The following SPATA16 variants were observed in gnomAD, a reference collection of about 807,000 sequenced individuals.
The protein encoded by SPATA16 is spermatogenesis associated 16.
SPATA16 carries 36 observed loss-of-function variants against 63.3 expected under a neutral mutation model. The observed-to-expected ratio is 0.57, with a 90% CI of 0.44 to 0.75. SPATA16 has a LOEUF of 0.75. Among genes scored for constraint, SPATA16 ranks in the 30% least tolerant of loss-of-function variants. The pLI, the probability that SPATA16 is intolerant of heterozygous loss-of-function variation, is 0.00. For missense variants in SPATA16, 646 were observed against 679.3 expected, an observed-to-expected ratio of 0.95 and a Z score of 0.54; for synonymous variants, 203 against 216.7, an observed-to-expected ratio of 0.94 and a Z score of 0.56.
rs74662156 is a variant in SPATA16, at chr3:172,991,250, C to A, written c.849-14198G>T. 5.5e-3 allele frequency among the ~76,000 whole-genome samples: 833 copies of A among 152,180 alleles called. 5 individuals carry two copies. Among genetic ancestry groups the A allele is most frequent in the African/African-American group, 0.019 (798 of 41,526 alleles). On this transcript the variant is annotated intron_variant, in intron 4 of 10. Transcript: ENST00000351008. ...GTGTGTATGCATGTTGCACAGCCAG[C>A]CTCCATGGTTAAATATACCTGTTTA...
chr3:173,037,520 G>A (rs1348864750), intron 3 of SPATA16, among the ~76,000 whole-genome samples: 4 of 152,014 alleles, frequency 2.6e-5, no homozygotes, highest in African/African-American at 7.2e-5. Flanking sequence ...AGTCATATTT[G>A]CTAGTAAAAG....
At chr3:173,054,127 A>G (rs759417591) in intron 2 of SPATA16, among the ~76,000 whole-genome samples, 8 of 152,024 alleles carry the variant, frequency 5.3e-5, no homozygotes, top group Non-Finnish European at 8.8e-5. Context: ...GAAGATTTCA[A>G]TATTCCCCTC....
chr3:172,914,355 C>T (rs1037324605), intron 9 of SPATA16, among the ~76,000 whole-genome samples: 14 of 152,220 alleles, frequency 9.2e-5, no homozygotes, highest in African/African-American at 3.4e-4. Flanking sequence ...ATCCTGTACA[C>T]ATGGTGTGTA....
At chr3:172,944,609 T>C (rs1733237094) in intron 6 of SPATA16, among the ~76,000 whole-genome samples, 1 of 152,126 alleles carries the variant, frequency 6.6e-6, no homozygotes. Context: ...AGTGGAAAAA[T>C]AGATAAACAA....
intron 10 of SPATA16, among the ~76,000 whole-genome samples, chr3:172,893,840 T>G (rs1485027494): frequency 6.6e-6 from 1 of 152,226 alleles, no homozygotes; most frequent in African/African-American, 2.4e-5. Context: ...GAATTTAGGC[T>G]TCCTATTAAA....
At chr3:172,942,215 A>T (rs1278529876) in intron 6 of SPATA16, among the ~76,000 whole-genome samples, 5 of 152,162 alleles carry the variant, frequency 3.3e-5, no homozygotes, top group African/African-American at 9.7e-5. Context: ...AGAAAAACTC[A>T]ATCAATCAAC....
At chr3:172,979,500 TG>T (rs1734248932) in intron 4 of SPATA16, among the ~76,000 whole-genome samples, 1 of 152,238 alleles carries the variant, frequency 6.6e-6, no homozygotes, top group Non-Finnish European at 1.5e-5. Context: ...TTGTCATTTT[TG>T]GATTACGACT....
chr3:172,961,123 T>TTCCTTCCG (rs1560080489), intron 5 of SPATA16, among the ~76,000 whole-genome samples: 14 of 150,786 alleles, frequency 9.3e-5, no homozygotes, highest in African/African-American at 3.4e-4. Context: ...CCTTCCTTCC[T>TTCCTTCCG]TCCTTTCTCT....
intron 1 of SPATA16, among the ~76,000 whole-genome samples, chr3:173,134,289 G>A (rs1176427695): frequency 6.6e-6 from 1 of 152,148 alleles, no homozygotes; most frequent in Non-Finnish European, 1.5e-5. Flanking sequence ...ATGCAGCAGT[G>A]TGGGGAGGTG....
intron 1 of SPATA16, among the ~76,000 whole-genome samples, chr3:173,119,788 C>T (rs1738006834): frequency 6.6e-6 from 1 of 151,978 alleles, no homozygotes. Context: ...TGTTGCTGGC[C>T]AGGCGCGATG....
intron 6 of SPATA16, among the ~76,000 whole-genome samples, chr3:172,951,201 C>A (rs1458973530): frequency 6.6e-6 from 1 of 151,874 alleles, no homozygotes; most frequent in Non-Finnish European, 1.5e-5. Context: ...GAAAAAAAAT[C>A]AGTAATTTTT....
chr3:173,128,510 A>G (rs1487670724), intron 1 of SPATA16, among the ~76,000 whole-genome samples: 1 of 152,156 alleles, frequency 6.6e-6, no homozygotes, highest in Non-Finnish European at 1.5e-5. Context: ...ATTTTGATTC[A>G]GCATGTCTGG....
chr3:173,029,727 A>G (rs1735557421), intron 3 of SPATA16, among the ~76,000 whole-genome samples: 2 of 152,058 alleles, frequency 1.3e-5, no homozygotes, highest in African/African-American at 2.4e-5. Flanking sequence ...CCTTGGTCAC[A>G]AGATATGCAA....
At position 172,995,590 on chromosome 3, in the gene SPATA16, G is replaced by A. The variant is rs550429594; in HGVS notation, c.849-18538C>T. Among the ~76,000 whole-genome samples the A allele has an allele frequency of 4.1e-4, 62 of 152,086 alleles. 1 individual carries two copies. Among genetic ancestry groups the A allele is most frequent in the Admixed American group, 2.0e-3 (30 of 15,256 alleles). On this transcript the variant is annotated intron_variant, in intron 4 of 10. Transcript: ENST00000351008. ...GGCAAAGAAGGATATCCCAAAATAG[G>A]CTAGGAGAGAAAGCTGATAAAAATG...
chr3:173,081,259 A>G (rs1429522978), intron 2 of SPATA16, among the ~76,000 whole-genome samples: 1 of 152,212 alleles, frequency 6.6e-6, no homozygotes, highest in Non-Finnish European at 1.5e-5. Flanking sequence ...ACTTGTTTAT[A>G]TTAGATTAAC....
At chr3:173,085,069 T>G (rs1737017852) in intron 2 of SPATA16, among the ~76,000 whole-genome samples, 1 of 152,216 alleles carries the variant, frequency 6.6e-6, no homozygotes, top group Non-Finnish European at 1.5e-5. Flanking sequence ...CAATGGTAGT[T>G]TAATGAAAAT....
At chr3:172,998,293 A>G (rs1328043810) in intron 4 of SPATA16, among the ~76,000 whole-genome samples, 1 of 152,094 alleles carries the variant, frequency 6.6e-6, no homozygotes, top group Non-Finnish European at 1.5e-5. Context: ...TTGTTTTGGC[A>G]CTAATGTACA....
intron 6 of SPATA16, among the ~76,000 whole-genome samples, chr3:172,952,913 C>T (rs1448395310): frequency 7.5e-6 from 1 of 133,066 alleles, no homozygotes; most frequent in Non-Finnish European, 1.5e-5. Context: ...GCACTACAGC[C>T]TGGCAATAGA....
intron 4 of SPATA16, among the ~76,000 whole-genome samples, chr3:172,992,901 A>G (rs569887287): frequency 6.6e-6 from 1 of 152,280 alleles, no homozygotes; most frequent in East Asian, 1.9e-4. Context: ...TACAGAATTT[A>G]TTTGAGGAAA....
Sources: gnomAD v4.1 joint callset for allele counts (sites outside exome capture counted in the v4.1 genomes callset) on GRCh38, gnomAD v4.1.1 for gene constraint, MANE v1.5 for transcripts, NCBI Gene and HGNC (gene_info 2026-07-23, HGNC 2026-07-21) for gene names.